The following OPA1 variants were observed in gnomAD, a reference collection of about 807,000 sequenced individuals.
OPA1 encodes the protein OPA1 mitochondrial dynamin like GTPase.
OPA1 carries 59 observed loss-of-function variants against 152.9 expected under a neutral mutation model. That is an observed-to-expected ratio of 0.39 (90% confidence interval 0.31 to 0.48). The LOEUF (loss-of-function observed/expected upper bound fraction) is 0.48. Among genes scored for constraint, OPA1 ranks in the 20% least tolerant of loss-of-function variants. The pLI is 0.96. For synonymous variants in OPA1, 400 were observed against 389.9 expected (o/e 1.03, Z -0.31); for missense variants, 1,008 against 1,216.8 (o/e 0.83, Z 2.55).
intron 6 of OPA1, among the ~76,000 whole-genome samples, chr3:193,620,993 G>C (rs1729954574): frequency 6.6e-6 from 1 of 152,214 alleles, no homozygotes; most frequent in African/African-American, 2.4e-5. Flanking sequence ...AGGTGGTAAG[G>C]TGGCCAGGCT....
intron 6 of OPA1, among the ~76,000 whole-genome samples, chr3:193,622,956 G>T (rs139851567): frequency 2.0e-5 from 3 of 152,292 alleles, no homozygotes; most frequent in Non-Finnish European, 4.4e-5. Flanking sequence ...AACCATTGAG[G>T]AGAACAAGGC....
At chr3:193,618,341 G>A (rs369084288) in intron 5 of OPA1, among the ~76,000 whole-genome samples, 3 of 152,026 alleles carry the variant, frequency 2.0e-5, no homozygotes, top group Non-Finnish European at 2.9e-5. Context: ...TGCCGGGCGT[G>A]GTGGCACACG....
intron 1 of OPA1, among the ~76,000 whole-genome samples, chr3:193,613,697 C>A (rs1243104109): frequency 1.3e-5 from 2 of 152,070 alleles, no homozygotes; most frequent in African/African-American, 4.8e-5. Flanking sequence ...CCTGCCTCAG[C>A]CTCCTGAATA....
rs1204679679 is a variant in OPA1, at chr3:193,596,340, T to TTTCCTTTCCTTTCCTTTCCTTTCCTTTC, written c.32+2931_32+2932insTTCCTTTCCTTTCCTTTCCTTTCCTTTC. ...CCTTTCCTTTCCTTTCCTTTCCTTT[T>TTTCCTTTCCTTTCCTTTCCTTTCCTTTC]CTTTTCTTTTCTTTTCTTTTCTTAA... On this transcript the variant is annotated intron_variant, in intron 1 of 30. Transcript: ENST00000361510. Among the ~76,000 whole-genome samples, 20 of 79,360 alleles carry TTTCCTTTCCTTTCCTTTCCTTTCCTTTC rather than the reference T, an allele frequency of 2.5e-4. 1 individual carries two copies. The East Asian group carries it at 5.9e-3, about 23-fold the overall frequency. The allele number at this position is 79,360 out of a possible 152,430, so 52.1% of individuals were successfully genotyped here.
chr3:193,604,354 T>G (rs553879937), intron 1 of OPA1, among the ~76,000 whole-genome samples: 9 of 152,212 alleles, frequency 5.9e-5, no homozygotes, highest in Non-Finnish European at 1.3e-4. Flanking sequence ...GTAAAGGCTC[T>G]GGTACAGCAT....
At chr3:193,635,303 A>T in intron 8 of OPA1, 115 bp from the exon 9 acceptor site, 3 of 644,506 alleles carry the variant, frequency 4.7e-6, no homozygotes, top group Non-Finnish European at 5.6e-6. Flanking sequence ...TTAAAATGTA[A>T]TACATTTTAA....
chr3:193,643,653 G>A (rs763962519), intron 15 of OPA1, 26 bp downstream of exon 15: 2 of 1,541,892 alleles, frequency 1.3e-6, no homozygotes, highest in South Asian at 1.1e-5. Flanking sequence ...AGATTTTAAT[G>A]TACTGATATG....
intron 29 of OPA1, among the ~76,000 whole-genome samples, chr3:193,687,181 A>G (rs1369705746): frequency 6.6e-6 from 1 of 152,210 alleles, no homozygotes; most frequent in Admixed American, 6.5e-5. Context: ...AAGAGACCCA[A>G]AACATGAATG....
At chr3:193,632,963 C>T (rs773253889) in intron 8 of OPA1, among the ~76,000 whole-genome samples, 1 of 152,136 alleles carries the variant, frequency 6.6e-6, no homozygotes, top group East Asian at 1.9e-4. Flanking sequence ...GTGCTTGGGG[C>T]CAGCGTGTTT....
chr3:193,669,261 T>C (rs1717384749), intron 29 of OPA1, among the ~76,000 whole-genome samples: 1 of 152,228 alleles, frequency 6.6e-6, no homozygotes, highest in Non-Finnish European at 1.5e-5. Context: ...CTAGTAATAA[T>C]CTAAGTTCTG....
intron 11 of OPA1, among the ~76,000 whole-genome samples, chr3:193,641,585 A>G (rs1344522973): frequency 2.0e-5 from 3 of 152,162 alleles, no homozygotes. Flanking sequence ...ACTGCTACAC[A>G]TTTTAAGTTT....
At chr3:193,598,998 G>T (rs1726046298) in intron 1 of OPA1, among the ~76,000 whole-genome samples, 1 of 152,138 alleles carries the variant, frequency 6.6e-6, no homozygotes, top group Non-Finnish European at 1.5e-5. Flanking sequence ...AAAACCTTGT[G>T]GTGATTGGTG....
chr3:193,619,241 ACTT>A (rs1729600972), intron 6 of OPA1, among the ~76,000 whole-genome samples: 1 of 152,146 alleles, frequency 6.6e-6, no homozygotes, highest in African/African-American at 2.4e-5. Context: ...AGGCAAGCGG[ACTT>A]CTTTTCTTTC....
chr3:193,628,367 A>G (rs1222193383), intron 7 of OPA1: 1 of 152,200 alleles, frequency 6.6e-6, no homozygotes, highest in Non-Finnish European at 1.5e-5. Context: ...GTTCACATAC[A>G]TAGAAATTTT....
chr3:193,691,956 C>T, intron 29 of OPA1, 107 bp from the exon 30 acceptor site: 2 of 684,536 alleles, frequency 2.9e-6, no homozygotes, highest in Admixed American at 2.5e-5. Context: ...TCATATTTTT[C>T]TTTTTCCCGC....
intron 1 of OPA1, among the ~76,000 whole-genome samples, chr3:193,610,075 G>T (rs1039378474): frequency 6.6e-6 from 1 of 152,222 alleles, no homozygotes; most frequent in African/African-American, 2.4e-5. Context: ...TCCGTTGCTG[G>T]TGAGGAGCTG....
In OPA1 at chr3:193,628,834, G is replaced by A. The variant is rs535127753; in HGVS notation, c.789+2632G>A. Reference sequence around the variant, plus strand: ...ATCATCTCATCAATCTTTAATGTTTGTTTTATAAATCTAAATGTTTTTATA... The same window carrying A: ...ATCATCTCATCAATCTTTAATGTTTATTTTATAAATCTAAATGTTTTTATA... On this transcript the variant is annotated intron_variant, in intron 7 of 30. Transcript: ENST00000361510. Among the ~76,000 whole-genome samples the A allele has an allele frequency of 5.9e-5, 9 of 152,222 alleles. No homozygotes were observed. The East Asian group carries it at 1.7e-3, about 29-fold the overall frequency.
chr3:193,689,591 C>T (rs1184335497), intron 29 of OPA1, among the ~76,000 whole-genome samples: 1 of 152,154 alleles, frequency 6.6e-6, no homozygotes, highest in Non-Finnish European at 1.5e-5. Flanking sequence ...CAGGGTGGCT[C>T]TTGGTATCTT....
rs73067700 is a variant in OPA1, at chr3:193,649,663, A to G, written c.2012+792A>G. ...TAAAGGTTATCAAAAGTGAGCCTAG[A>G]TAGTAGTATCTGGTCTGTTTGAATT... On this transcript the variant is annotated intron_variant, in intron 21 of 30. Transcript: ENST00000361510. 7.4e-3 allele frequency among the ~76,000 whole-genome samples: 1,123 copies of G among 152,268 alleles called. 10 individuals are homozygous for G. Among genetic ancestry groups the G allele is most frequent in the African/African-American group, 0.022 (909 of 41,552 alleles).
Sources: allele counts gnomAD v4.1 joint callset (sites outside exome capture counted in the v4.1 genomes callset), GRCh38; gene constraint gnomAD v4.1.1; transcripts MANE v1.5; gene names NCBI Gene and HGNC (gene_info 2026-07-23, HGNC 2026-07-21).